POM121: variants seen among roughly 807,000 people sequenced by gnomAD.
POM121 encodes the protein POM121 transmembrane nucleoporin, also known as nuclear envelope pore membrane protein POM 121.
In POM121, 32 loss-of-function variants were observed where a neutral mutation model predicts 81.3. The ratio of observed to expected loss-of-function variants is 0.39; its 90% CI spans 0.30 to 0.53. The LOEUF is 0.53. Among genes scored for constraint, POM121 ranks in the 20% least tolerant of loss-of-function variants. The pLI is 0.66. For missense variants in POM121, 1,138 were observed against 1,614.6 expected (o/e 0.70, Z 5.06); for synonymous variants, 514 against 694.2 (o/e 0.74, Z 4.08).
At position 72,939,593 on chromosome 7, in the gene POM121, A is replaced by G. The variant is rs1796862989; in HGVS notation, c.1441+184A>G. Reference sequence around the variant, plus strand: ...GTCTGATGAGGGAGAAAGGCTACAGACAGGGACTAACGATTGGATAGAGGT... The same window carrying G: ...GTCTGATGAGGGAGAAAGGCTACAGGCAGGGACTAACGATTGGATAGAGGT... On this transcript the variant is annotated intron_variant, in intron 7 of 12. Transcript: ENST00000434423. Among the ~76,000 whole-genome samples the G allele has an allele frequency of 3.9e-5, 6 of 152,348 alleles. No homozygotes were observed. In the South Asian group the frequency reaches 1.2e-3, roughly 32 times the overall value.
chr7:72,890,464 G>A (rs1791194806), intron 1 of POM121, among the ~76,000 whole-genome samples: 1 of 152,198 alleles, frequency 6.6e-6, no homozygotes, highest in Non-Finnish European at 1.5e-5. Flanking sequence ...ATATATAAAG[G>A]ACCCCAAAGG....
intron 4 of POM121, among the ~76,000 whole-genome samples, chr7:72,914,505 T>C (rs1267386181): frequency 6.6e-6 from 1 of 151,988 alleles, no homozygotes; most frequent in Non-Finnish European, 1.5e-5. Context: ...TTTTTTTTTT[T>C]TTTAACTTTT....
chr7:72,884,279 G>C (rs1425575767), intron 1 of POM121, among the ~76,000 whole-genome samples: 2 of 152,014 alleles, frequency 1.3e-5, no homozygotes, highest in African/African-American at 4.8e-5. Flanking sequence ...CTAAAATATT[G>C]AGTAGGCTTT....
At chr7:72,890,762 AGCTT>A in intron 2 of POM121, 1 of 1,599,952 alleles carries the variant, frequency 6.3e-7, no homozygotes, top group Non-Finnish European at 8.5e-7. Context: ...GGGTGAGGAT[AGCTT>A]GCTTTCTGAA....
intron 3 of POM121, among the ~76,000 whole-genome samples, chr7:72,908,964 A>T (rs1276718558): frequency 6.6e-6 from 1 of 152,248 alleles, no homozygotes; most frequent in African/African-American, 2.4e-5. Flanking sequence ...TACGAAGATG[A>T]TGGGATTAAG....
chr7:72,934,735 T>G (rs1347810736), intron 5 of POM121, among the ~76,000 whole-genome samples: 17 of 152,188 alleles, frequency 1.1e-4, no homozygotes, highest in Admixed American at 9.2e-4. Flanking sequence ...GTTGTTGTTG[T>G]TTTTTACTGT....
At chr7:72,914,623 C>A (rs1379888663) in intron 4 of POM121, among the ~76,000 whole-genome samples, 26 of 152,028 alleles carry the variant, frequency 1.7e-4, no homozygotes, top group Non-Finnish European at 2.9e-5. Flanking sequence ...ATCCTCCTAC[C>A]TCAGCCTCCC....
chr7:72,913,669 T>C (rs1794020036), intron 3 of POM121: 1 of 152,532 alleles, frequency 6.6e-6, no homozygotes, highest in Admixed American at 6.5e-5. Flanking sequence ...CCCTCTGTAT[T>C]GTCATCATAC....
At chr7:72,926,583 G>T (rs1795471031) in intron 2 of POM121, 106 bp downstream of exon 2, 14 of 1,544,958 alleles carry the variant, frequency 9.1e-6, no homozygotes, top group Non-Finnish European at 1.2e-5. Context: ...GGACGAAGCT[G>T]CTTATTTGAT....
Position 72,925,192 on chromosome 7 carries a change from G to C in POM121, c.71G>C (p.Arg24Pro). Reference sequence around the variant, plus strand: ...CCCATAGCGAGTGTCAGGGACGGCCGGGGCCGGGGCTGCGGCGGGCCGGCC... The same window carrying C: ...CCCATAGCGAGTGTCAGGGACGGCCCGGGCCGGGGCTGCGGCGGGCCGGCC... ...RRPIASVRDG[R>P]GRGCGGPARA... The change falls in exon 1 of 13, where the codon CGG (arginine) becomes CCG (proline). Residue 24 changes from arginine to proline, a missense_variant. This residue lies in a region of POM121 where 646 missense variants were observed against 633.5 expected (regional missense o/e 1.02). Transcript: ENST00000434423. 2.0e-6 allele frequency: 3 copies of C among 1,501,154 alleles called. No individual in the cohort carries two copies. Among genetic ancestry groups the C allele is most frequent in the South Asian group, 1.2e-5 (1 of 81,846 alleles). 93.0% of individuals were successfully genotyped at this position (1,501,154 alleles called of 1,614,324 possible).
chr7:72,907,368 C>A (rs1424908696), intron 3 of POM121, among the ~76,000 whole-genome samples: 1 of 152,030 alleles, frequency 6.6e-6, no homozygotes, highest in African/African-American at 2.4e-5. Flanking sequence ...TATGATTTTG[C>A]TTTCGCCCAT....
intron 3 of POM121, among the ~76,000 whole-genome samples, chr7:72,893,742 G>T (rs1398286889): frequency 2.0e-5 from 3 of 152,284 alleles, no homozygotes; most frequent in Admixed American, 2.0e-4. Flanking sequence ...TGTGGAGTGT[G>T]GCTCGTCAGC....
chr7:72,925,049 G>A (rs368734402), upstream of POM121: 1 of 1,351,052 alleles, frequency 7.4e-7, no homozygotes. Flanking sequence ...TGACGTAGAG[G>A]GCGCGCGATG....
At chr7:72,929,191 CAG>C (rs1183897583) in intron 4 of POM121, among the ~76,000 whole-genome samples, 3 of 152,100 alleles carry the variant, frequency 2.0e-5, no homozygotes, top group Admixed American at 6.5e-5. Flanking sequence ...AGAAAAGTCT[CAG>C]GGGGAATAAA....
At chr7:72,922,065 GTTAAA>G (rs1328124291), upstream of POM121, among the ~76,000 whole-genome samples, 5 of 152,060 alleles carry the variant, frequency 3.3e-5, no homozygotes, top group South Asian at 2.1e-4. Flanking sequence ...ACTTGATCTT[GTTAAA>G]TTAATTTTTC....
rs368110430 is a variant in POM121, at chr7:72,895,693, G to C, written c.-216+4583G>C. On this transcript the variant is annotated intron_variant, in intron 3 of 15. Coordinates refer to the POM121 transcript ENST00000395270. ...CCAGCACTGTGGGAGGTGGAGGCAG[G>C]TGGATTACCTGAGGTCAGGAGTTCG... Among the ~76,000 whole-genome samples, 17 of 152,172 alleles carry C rather than the reference G, an allele frequency of 1.1e-4. No homozygotes were observed. In the East Asian group the frequency reaches 2.7e-3, roughly 24 times the overall value.
intron 3 of POM121, among the ~76,000 whole-genome samples, chr7:72,905,825 C>T (rs1432169507): frequency 8.5e-5 from 13 of 152,122 alleles, no homozygotes; most frequent in African/African-American, 3.1e-4. Flanking sequence ...TTCCATTGGT[C>T]GATGATGGTG....
At chr7:72,927,081 C>G in intron 3 of POM121, 118 bp downstream of exon 3, 6 of 1,506,390 alleles carry the variant, frequency 4.0e-6, no homozygotes, top group Non-Finnish European at 5.5e-6. Context: ...TCGTAGGCCC[C>G]CTTCTTTGGC....
intron 7 of POM121, 52 bp from the exon 8 acceptor site, chr7:72,939,792 CCAT>C (rs1796884382): frequency 6.2e-7 from 1 of 1,610,692 alleles, no homozygotes; most frequent in African/African-American, 1.3e-5. Flanking sequence ...GTAGACACAA[CCAT>C]CCATTTCTGG....
Sources: gnomAD v4.1 joint callset for allele counts (sites outside exome capture counted in the v4.1 genomes callset) on GRCh38, gnomAD v4.1.1 for gene constraint, gnomAD v4.1.1 regional missense constraint, MANE v1.5 for transcripts, NCBI Gene and HGNC (gene_info 2026-07-23, HGNC 2026-07-21) for gene names.